SPMIP4: variants seen among roughly 807,000 people sequenced by gnomAD.
SPMIP4 encodes the protein sperm microtubule inner protein 4.
At chr7:25,155,258 A>G in the SPMIP4 span, 8 of 1,408,720 alleles carry the variant, frequency 5.7e-6, no homozygotes, top group Non-Finnish European at 7.6e-6. Context: ...GAAAAAATTA[A>G]TCATCAAAAA....
chr7:25,150,409 T>TA, the SPMIP4 span, among the ~76,000 whole-genome samples: 1 of 152,108 alleles, frequency 6.6e-6, no homozygotes, highest in African/African-American at 2.4e-5. Context: ...CATTTAACTA[T>TA]AAAAAAACAA....
chr7:25,174,256 C>T, the SPMIP4 span, among the ~76,000 whole-genome samples: 3 of 152,180 alleles, frequency 2.0e-5, no homozygotes, highest in East Asian at 1.9e-4. The surrounding 1 kb of genome is among the most constrained non-coding windows in gnomAD (Gnocchi z 4.5). Flanking sequence ...CTGTCTCTCT[C>T]ACTCTCTCTC....
the SPMIP4 span, chr7:25,179,122 C>T: frequency 6.5e-7 from 1 of 1,527,726 alleles, no homozygotes; most frequent in South Asian, 1.2e-5. Context: ...ATAAAATACA[C>T]GAATACATTA....
the SPMIP4 span, among the ~76,000 whole-genome samples, chr7:25,160,760 A>G: frequency 1.7e-4 from 26 of 152,380 alleles, no homozygotes; most frequent in South Asian, 6.2e-4. Flanking sequence ...AGGAAGTGTT[A>G]TTAAGAGTTA....
chr7:25,137,125 C>T, the SPMIP4 span, among the ~76,000 whole-genome samples: 13 of 152,018 alleles, frequency 8.6e-5, no homozygotes, highest in African/African-American at 9.7e-5. Flanking sequence ...TGGCATTAGC[C>T]GCGTGTGCAG....
the SPMIP4 span, chr7:25,179,797 G>A: frequency 6.6e-6 from 1 of 152,496 alleles, no homozygotes; most frequent in African/African-American, 2.4e-5. Context: ...GCACGAACGG[G>A]ACCCTAAAGG....
At chr7:25,127,828 C>T in the SPMIP4 span, among the ~76,000 whole-genome samples, 5 of 151,988 alleles carry the variant, frequency 3.3e-5, no homozygotes, top group Non-Finnish European at 7.4e-5. Flanking sequence ...TTTTTTGTAT[C>T]CACCCTTCTT....
the SPMIP4 span, chr7:25,179,379 G>A: frequency 1.7e-3 from 2,667 of 1,538,356 alleles, 43 homozygotes; most frequent in African/African-American, 0.033. Context: ...GTCAAGGCAG[G>A]CAGAAAACAC....
the SPMIP4 span, among the ~76,000 whole-genome samples, chr7:25,165,355 A>C: frequency 6.6e-6 from 1 of 152,236 alleles, no homozygotes; most frequent in Non-Finnish European, 1.5e-5. Flanking sequence ...ACTAGACAGG[A>C]GTGGGCACTT....
chr7:25,169,601 G>A, the SPMIP4 span, among the ~76,000 whole-genome samples: 243 of 151,944 alleles, frequency 1.6e-3, 2 homozygotes, highest in Middle Eastern at 0.02. Flanking sequence ...ATGGAGTTTC[G>A]CTCTTGTTGC....
the SPMIP4 span, among the ~76,000 whole-genome samples, chr7:25,162,270 CAA>C: frequency 3.5e-3 from 314 of 89,896 alleles, no homozygotes; most frequent in African/African-American, 9.8e-3. Context: ...AACTCTGTCT[CAA>C]AAAAAAAAAA....
At chr7:25,136,876 A>C in the SPMIP4 span, 1 of 1,346,624 alleles carries the variant, frequency 7.4e-7, no homozygotes, top group Non-Finnish European at 1.0e-6. The surrounding 1 kb of genome is among the most constrained non-coding windows in gnomAD (Gnocchi z 5.7). Context: ...ACCCATTTTC[A>C]TTGTCTGAGT....
At chr7:25,179,066 C>CAAACA in the SPMIP4 span, 66 of 1,256,736 alleles carry the variant, frequency 5.3e-5, 1 homozygote, top group Non-Finnish European at 6.6e-5. Flanking sequence ...AACAAACAAA[C>CAAACA]AAGAAACAGA....
At chr7:25,160,528 A>G in the SPMIP4 span, among the ~76,000 whole-genome samples, 6 of 152,108 alleles carry the variant, frequency 3.9e-5, no homozygotes, top group African/African-American at 1.4e-4. Context: ...TGAACTCCTG[A>G]CCTCAGGTGA....
the SPMIP4 span, chr7:25,155,170 T>C: frequency 3.2e-4 from 495 of 1,561,508 alleles, 4 homozygotes; most frequent in Non-Finnish European, 1.4e-4. Context: ...GGGTGTTCAA[T>C]TGGATATGGC....
At chr7:25,148,750 G>C in the SPMIP4 span, among the ~76,000 whole-genome samples, 1 of 152,074 alleles carries the variant, frequency 6.6e-6, no homozygotes, top group Non-Finnish European at 1.5e-5. Flanking sequence ...GTCTCCCAAA[G>C]GGATTACAGG....
At chr7:25,165,911 C>T in the SPMIP4 span, among the ~76,000 whole-genome samples, 1 of 152,168 alleles carries the variant, frequency 6.6e-6, no homozygotes, top group Non-Finnish European at 1.5e-5. Context: ...TTGCTAGTTT[C>T]CCACATTTGG....
the SPMIP4 span, among the ~76,000 whole-genome samples, chr7:25,177,189 A>C: frequency 6.6e-6 from 1 of 152,202 alleles, no homozygotes; most frequent in Non-Finnish European, 1.5e-5. Flanking sequence ...AAGAGTTTAA[A>C]CTGAGGCTGG....
chr7:25,135,050 T>TA, the SPMIP4 span: 1 of 583,732 alleles, frequency 1.7e-6, no homozygotes, highest in Non-Finnish European at 2.2e-6. Flanking sequence ...ACAAAATACT[T>TA]AAAGAAATTC....
Sources: gnomAD v4.1 joint callset for allele counts (sites outside exome capture counted in the v4.1 genomes callset) on GRCh38, gnomAD v4.1.1 for gene constraint, Gnocchi (gnomAD v3.1) non-coding constraint, MANE v1.5 for transcripts, NCBI Gene and HGNC (gene_info 2026-07-23, HGNC 2026-07-21) for gene names.